NXPE4: variants seen among roughly 807,000 people sequenced by gnomAD.
The protein encoded by NXPE4 is NXPE family member 4.
Under a neutral mutation model 33.3 loss-of-function variants are expected in NXPE4, and 42 were observed. That is an observed-to-expected ratio of 1.26 (90% confidence interval 0.98 to 1.63). The LOEUF (loss-of-function observed/expected upper bound fraction) is 1.63, where lower values mean the gene tolerates loss of function less well. Ranked by LOEUF, NXPE4 falls within the 40% of genes most tolerant of loss-of-function variation. The pLI, the probability that NXPE4 is intolerant of heterozygous loss-of-function variation, is 0.00. For missense variants in NXPE4, 709 were observed against 647.6 expected (o/e 1.09, Z -1.03); for synonymous variants, 253 against 234.9 (o/e 1.08, Z -0.71).
chr11:114,625,700 G>C, the NXPE4 span, among the ~76,000 whole-genome samples: 1 of 152,146 alleles, frequency 6.6e-6, no homozygotes, highest in Non-Finnish European at 1.5e-5. Context: ...AACAGCCCCG[G>C]TCTACAGCTC....
chr11:114,648,603 C>T, the NXPE4 span, among the ~76,000 whole-genome samples: 2 of 152,174 alleles, frequency 1.3e-5, no homozygotes, highest in Admixed American at 1.3e-4. Flanking sequence ...CAAGTTGATA[C>T]ATAAAATTAA....
chr11:114,601,232 C>A, the NXPE4 span, among the ~76,000 whole-genome samples: 7 of 150,908 alleles, frequency 4.6e-5, no homozygotes, highest in African/African-American at 1.7e-4. Context: ...TTTTTCATCC[C>A]ATTTCCCTTC....
chr11:114,570,896 A>AT lies in NXPE4; in HGVS notation c.*41dup. Reference sequence around the variant, plus strand: ...TGGCCTGCTAGTAGACAGTCAATAAATTTTTTTACTTAAGTGAATGAATTT... The same window carrying AT: ...TGGCCTGCTAGTAGACAGTCAATAAATTTTTTTTACTTAAGTGAATGAATTT... On this transcript the variant is annotated 3_prime_UTR_variant, in exon 6 of 6. Transcript: ENST00000375478. 1.4e-6 allele frequency: 2 copies of AT among 1,429,206 alleles called. No individual in the cohort carries two copies. Among genetic ancestry groups the AT allele is most frequent in the Non-Finnish European group, 9.5e-7 (1 of 1,056,592 alleles). 88.5% of individuals were successfully genotyped at this position (1,429,206 alleles called of 1,614,324 possible). A position where few individuals can be genotyped will look rare whatever the true frequency, so the allele number is the denominator to read the frequency against.
chr11:114,616,762 A>G, the NXPE4 span, among the ~76,000 whole-genome samples: 6 of 151,796 alleles, frequency 4.0e-5, 2 homozygotes, highest in African/African-American at 1.5e-4. Flanking sequence ...CCGGTGGATA[A>G]TAAGTGTTGC....
chr11:114,571,000 C>A lies in NXPE4; in HGVS notation c.1573G>T (p.Val525Leu), dbSNP rs750428980. 6.2e-7 allele frequency: 1 copy of A among 1,612,814 alleles called. No homozygotes were observed. The highest frequency in any genetic ancestry group is 1.1e-5 in the South Asian group (1 of 91,014). The part of the protein sequence containing the change: ...DITIAYGTNN[V>L]HPPQHVVGNQ... The stretch of plus-strand genomic sequence containing the variant: ...CCGACTACATGTTGAGGTGGGTGTA[C>A]ATTATTTGTGCCATATGCAATTGTT... Residue 525 changes from valine to leucine, a missense_variant, in exon 6 of 6, where the codon GTA becomes TTA. By Grantham distance (32) the Val-to-Leu change is conservative. Transcript: ENST00000375478.
At chr11:114,646,111 A>G in the NXPE4 span, among the ~76,000 whole-genome samples, 1 of 152,000 alleles carries the variant, frequency 6.6e-6, no homozygotes. Flanking sequence ...ATTTCTTAAT[A>G]TGTTTTCTCA....
At chr11:114,610,068 A>C in the NXPE4 span, among the ~76,000 whole-genome samples, 1 of 151,066 alleles carries the variant, frequency 6.6e-6, no homozygotes, top group Admixed American at 6.6e-5. Context: ...GTCTTGCCTC[A>C]TGGGTAACCA....
chr11:114,595,093 G>T (rs189415462), intron 1 of NXPE4, among the ~76,000 whole-genome samples: 17 of 152,180 alleles, frequency 1.1e-4, no homozygotes, highest in Admixed American at 9.8e-4. Flanking sequence ...TCACCTATCA[G>T]GTTCCCTGTT....
the NXPE4 span, among the ~76,000 whole-genome samples, chr11:114,639,510 A>G: frequency 1.3e-5 from 2 of 151,360 alleles, no homozygotes; most frequent in African/African-American, 4.9e-5. Context: ...CCCTAGTGAG[A>G]TGAACCTGGT....
At chr11:114,610,935 G>A in the NXPE4 span, among the ~76,000 whole-genome samples, 3 of 151,578 alleles carry the variant, frequency 2.0e-5, no homozygotes, top group Admixed American at 2.0e-4. Context: ...TGCCTCGTGG[G>A]TAACCACTGT....
chr11:114,625,556 G>T, the NXPE4 span, among the ~76,000 whole-genome samples: 8 of 151,856 alleles, frequency 5.3e-5, no homozygotes, highest in African/African-American at 1.9e-4. Flanking sequence ...CTGTTACCCG[G>T]TGGATAATAA....
At chr11:114,624,778 C>T in the NXPE4 span, among the ~76,000 whole-genome samples, 10 of 152,214 alleles carry the variant, frequency 6.6e-5, no homozygotes, top group East Asian at 1.4e-3. Flanking sequence ...AGTATTGCCT[C>T]GTGGGTAAGC....
chr11:114,580,000 T>C, intron 5 of NXPE4, 132 bp downstream of exon 5: 1 of 730,696 alleles, frequency 1.4e-6, no homozygotes, highest in South Asian at 1.7e-5. Flanking sequence ...AACAATGCCT[T>C]GTGAAAAATT....
the NXPE4 span, among the ~76,000 whole-genome samples, chr11:114,637,256 G>A: frequency 1.3e-5 from 2 of 151,694 alleles, no homozygotes; most frequent in Admixed American, 1.3e-4. Flanking sequence ...TTGGTTTAAA[G>A]TCTGTTTTAT....
the NXPE4 span, among the ~76,000 whole-genome samples, chr11:114,622,397 G>C: frequency 6.6e-6 from 1 of 152,044 alleles, no homozygotes; most frequent in South Asian, 2.1e-4. Context: ...TTTCTTGTGG[G>C]TAACCACTGT....
the NXPE4 span, among the ~76,000 whole-genome samples, chr11:114,639,683 T>G: frequency 2.2e-4 from 31 of 139,886 alleles, no homozygotes; most frequent in African/African-American, 7.7e-4. Context: ...ATGTAATATA[T>G]TGTATCTATT....
the NXPE4 span, among the ~76,000 whole-genome samples, chr11:114,624,084 C>A: frequency 6.6e-6 from 1 of 151,696 alleles, no homozygotes; most frequent in Non-Finnish European, 1.5e-5. Context: ...ACCAGTGTTA[C>A]CCTCTGGATA....
chr11:114,584,281 C>A, intron 2 of NXPE4: 1 of 506,592 alleles, frequency 2.0e-6, no homozygotes, highest in South Asian at 1.5e-5. Flanking sequence ...ATATTTCAAG[C>A]CCTACATCAG....
the NXPE4 span, among the ~76,000 whole-genome samples, chr11:114,602,273 A>T: frequency 8.4e-6 from 1 of 118,558 alleles, no homozygotes; most frequent in African/African-American, 3.4e-5. Context: ...AATATATATT[A>T]TACTATATAT....
Sources: gnomAD v4.1 joint callset for allele counts (sites outside exome capture counted in the v4.1 genomes callset) on GRCh38, gnomAD v4.1.1 for gene constraint, MANE v1.5 for transcripts, NCBI Gene and HGNC (gene_info 2026-07-23, HGNC 2026-07-21) for gene names.